WDFY3: variants seen among roughly 807,000 people sequenced by gnomAD.
WDFY3 encodes WD repeat and FYVE domain containing 3.
WDFY3 carries 66 observed loss-of-function variants against 409.6 expected under a neutral mutation model. That is an observed-to-expected ratio of 0.16 (90% CI 0.13 to 0.20). The LOEUF is 0.20. WDFY3 is among the 10% of genes least tolerant of loss of function. The probability of loss-of-function intolerance (pLI) is 1.00; values close to 1 mark genes in which losing one functional copy is unlikely to be tolerated. For missense variants in WDFY3, 3,031 were observed against 4,298.1 expected (o/e 0.71, Z 8.24); for synonymous variants, 1,521 against 1,537.1 (o/e 0.99, Z 0.25).
In WDFY3 at chr4:84,837,298, T is replaced by C. The variant is rs531804554; in HGVS notation, c.415-208A>G. 5.1e-4 allele frequency among the ~76,000 whole-genome samples: 78 copies of C among 152,326 alleles called. 1 individual carries two copies. In the South Asian group the frequency reaches 0.015, roughly 30 times the overall value. On this transcript the variant is annotated intron_variant, in intron 6 of 67. Coordinates refer to ENST00000295888, the MANE Select transcript of WDFY3 (RefSeq NM_014991.6). ...AATCAAATAGTGAGATTTTGTTATA[T>C]AGTAAATTATCAATTAAATTTAATA...
At chr4:84,718,130 C>T (rs780291525) in intron 48 of WDFY3, among the ~76,000 whole-genome samples, 59 of 147,700 alleles carry the variant, frequency 4.0e-4, no homozygotes, top group Non-Finnish European at 7.7e-4. Flanking sequence ...TTTAAAAGGA[C>T]CATTTATAAA....
intron 44 of WDFY3, among the ~76,000 whole-genome samples, chr4:84,731,025 G>A (rs981793174): frequency 3.3e-5 from 5 of 152,046 alleles, no homozygotes; most frequent in Non-Finnish European, 7.4e-5. Context: ...TCGAACTCCC[G>A]ACCTCAGGTG....
intron 3 of WDFY3, among the ~76,000 whole-genome samples, chr4:84,878,367 G>A (rs1279067350): frequency 6.6e-6 from 1 of 151,940 alleles, no homozygotes; most frequent in Non-Finnish European, 1.5e-5. Flanking sequence ...GTGATCAAAG[G>A]AAAATGACAA....
rs1374173957 is a variant in WDFY3, at chr4:84,669,879, A to G, written c.*2989T>C. ...ACAAGTTAATAACAGGACAAAAAAT[A>G]TACATTGCACTGACACAAAAAGTCA... On this transcript the variant is annotated 3_prime_UTR_variant, in exon 68 of 68. Coordinates refer to ENST00000295888, the MANE Select transcript of WDFY3 (RefSeq NM_014991.6). 6.6e-6 allele frequency: 1 copy of G among 152,496 alleles called. No homozygotes were observed. Among genetic ancestry groups the G allele is most frequent in the Non-Finnish European group, 1.5e-5 (1 of 68,032 alleles). The allele number at this position is 152,496 out of a possible 1,614,324, so 9.4% of individuals were successfully genotyped here. A position where few individuals can be genotyped will look rare whatever the true frequency, so the allele number is the denominator to read the frequency against.
At chr4:84,779,903 A>G (rs574343243) in intron 26 of WDFY3, among the ~76,000 whole-genome samples, 1 of 152,368 alleles carries the variant, frequency 6.6e-6, no homozygotes, top group Non-Finnish European at 1.5e-5. Context: ...AAGATTTGAT[A>G]AGATAGGAGA....
At chr4:84,819,937 C>A in intron 12 of WDFY3, 148 bp downstream of exon 12, 1 of 612,800 alleles carries the variant, frequency 1.6e-6, no homozygotes, top group Non-Finnish European at 2.7e-6. Flanking sequence ...GTCAAAAGCA[C>A]TGCATTTTTA....
At chr4:84,828,869 G>A in intron 9 of WDFY3, 135 bp downstream of exon 9, 1 of 853,370 alleles carries the variant, frequency 1.2e-6, no homozygotes, top group Non-Finnish European at 1.7e-6. Flanking sequence ...AGAAAAAGAA[G>A]GGAGTAAAGC....
At chr4:84,825,487 G>A (rs1400369917) in intron 10 of WDFY3, among the ~76,000 whole-genome samples, 1 of 151,514 alleles carries the variant, frequency 6.6e-6, no homozygotes, top group African/African-American at 2.4e-5. Context: ...CTGTGTAGCT[G>A]GGATTACAGG....
rs1200222694 is a variant in WDFY3, at chr4:84,715,473, T to C, written c.7876-90A>G. ...ACTTTTCCACTATAAATTTCTACAA[T>C]GTTCAAGAAGTTAATCTGCGGCCGG... is the stretch of plus-strand genomic sequence containing the variant. On this transcript the variant is annotated intron_variant, in intron 49 of 67. Transcript: ENST00000295888. The C allele has an allele frequency of 1.3e-5, 11 of 840,306 alleles. No individual in the cohort carries two copies. The East Asian group carries it at 1.9e-4, about 15-fold the overall frequency. 52.1% of individuals were successfully genotyped at this position (840,306 alleles called of 1,614,324 possible). A position where few individuals can be genotyped will look rare whatever the true frequency, so the allele number is the denominator to read the frequency against.
At chr4:84,857,958 C>T (rs182642771) in intron 4 of WDFY3, among the ~76,000 whole-genome samples, 1 of 152,266 alleles carries the variant, frequency 6.6e-6, no homozygotes, top group African/African-American at 2.4e-5. Context: ...CTTTTTCACA[C>T]AGGCCAGTAC....
At chr4:84,831,630 A>C in intron 7 of WDFY3, 25 bp from the exon 8 acceptor site, 2 of 1,571,846 alleles carry the variant, frequency 1.3e-6, no homozygotes, top group South Asian at 1.2e-5. Context: ...AAAACAAAAC[A>C]AGAGTGTATA....
chr4:84,718,022 C>T (rs540530104), intron 48 of WDFY3, among the ~76,000 whole-genome samples: 337 of 126,910 alleles, frequency 2.7e-3, no homozygotes, highest in Admixed American at 5.8e-3. Flanking sequence ...CCACTCACTG[C>T]ACTCCAGCCG....
At chr4:84,693,444 C>G (rs1030423943) in intron 58 of WDFY3, among the ~76,000 whole-genome samples, 1 of 152,034 alleles carries the variant, frequency 6.6e-6, no homozygotes, top group Non-Finnish European at 1.5e-5. Flanking sequence ...TTCAATGTGG[C>G]CTTTATGTGA....
intron 3 of WDFY3, among the ~76,000 whole-genome samples, chr4:84,890,548 G>C (rs868022344): frequency 6.6e-6 from 1 of 152,188 alleles, no homozygotes; most frequent in Non-Finnish European, 1.5e-5. Flanking sequence ...ACATCTATTT[G>C]CCTGGTCATA....
chr4:84,749,288 T>C (rs976983057), intron 36 of WDFY3, among the ~76,000 whole-genome samples: 12 of 152,198 alleles, frequency 7.9e-5, no homozygotes, highest in East Asian at 7.7e-4. Flanking sequence ...TTGGAAGACA[T>C]AGAATGTTAA....
chr4:84,794,055 G>T (rs1748962941), intron 21 of WDFY3, among the ~76,000 whole-genome samples: 1 of 152,186 alleles, frequency 6.6e-6, no homozygotes, highest in South Asian at 2.1e-4. Context: ...GTCATGGCAT[G>T]TTGGAGAAAA....
At position 84,742,046 on chromosome 4, in the gene WDFY3, T is replaced by C. The variant is rs762798489; in HGVS notation, c.6074-125A>G. On this transcript the variant is annotated intron_variant, in intron 37 of 67. Coordinates refer to ENST00000295888, the MANE Select transcript of WDFY3 (RefSeq NM_014991.6). ...CTACAACAGGTAGCAATATGACTACTAGCTTTTATGCACTACTTGAAGAAA... is the reference window on the plus strand; with the variant it reads ...CTACAACAGGTAGCAATATGACTACCAGCTTTTATGCACTACTTGAAGAAA... 4.6e-4 allele frequency: 371 copies of C among 800,140 alleles called. 1 individual carries two copies. The highest frequency in any genetic ancestry group is 6.1e-4 in the Non-Finnish European group (332 of 540,522). 49.6% of individuals were successfully genotyped at this position (800,140 alleles called of 1,614,324 possible).
At chr4:84,956,160 A>G (rs974849567) in intron 1 of WDFY3, among the ~76,000 whole-genome samples, 1 of 152,198 alleles carries the variant, frequency 6.6e-6, no homozygotes, top group African/African-American at 2.4e-5. Flanking sequence ...ATCATACAGG[A>G]AGAGGAAGCT....
intron 2 of WDFY3, among the ~76,000 whole-genome samples, chr4:84,913,112 C>T (rs923267258): frequency 6.6e-6 from 1 of 152,180 alleles, no homozygotes; most frequent in Admixed American, 6.5e-5. Flanking sequence ...ATGAGTTCAA[C>T]ACCTATGCAT....
Sources: gnomAD v4.1 joint callset for allele counts (sites outside exome capture counted in the v4.1 genomes callset) on GRCh38, gnomAD v4.1.1 for gene constraint, MANE v1.5 for transcripts, NCBI Gene and HGNC (gene_info 2026-07-23, HGNC 2026-07-21) for gene names.